Variants in PTPRD observed in about 807,000 individuals in gnomAD.
PTPRD encodes the protein receptor-type tyrosine-protein phosphatase delta.
A neutral mutation model predicts 214.5 loss-of-function variants in PTPRD; 34 were observed. That is an observed-to-expected ratio of 0.16 (90% confidence interval 0.12 to 0.21). PTPRD has a LOEUF of 0.21. PTPRD is among the 10% of genes least tolerant of loss of function. PTPRD has a pLI of 1.00. For missense variants in PTPRD, 2,545 were observed against 2,398.7 expected, an observed-to-expected ratio of 1.06 and a Z score of -1.27; for synonymous variants, 1,128 against 845.7, an observed-to-expected ratio of 1.33 and a Z score of -5.79.
chr9:9,399,117 G>A (rs1478995755), intron 8 of PTPRD, among the ~76,000 whole-genome samples: 3 of 151,872 alleles, frequency 2.0e-5, no homozygotes, highest in Non-Finnish European at 4.4e-5. Context: ...CCACTATTCT[G>A]CTATTTCATT....
intron 11 of PTPRD, among the ~76,000 whole-genome samples, chr9:8,809,643 T>G (rs991457616): frequency 6.6e-6 from 1 of 152,178 alleles, no homozygotes; most frequent in Admixed American, 6.6e-5. Flanking sequence ...CCTGAAAAAT[T>G]CCAGGTGTTA....
At chr9:10,368,966 A>G (rs766075488) in intron 2 of PTPRD, among the ~76,000 whole-genome samples, 7 of 152,078 alleles carry the variant, frequency 4.6e-5, no homozygotes, top group Non-Finnish European at 1.0e-4. Flanking sequence ...ACCCATTTTA[A>G]TGGCTTCAGT....
Position 8,948,533 on chromosome 9 carries a change from ATATATATATT to A in PTPRD, c.-104+70154_-104+70163del, listed in dbSNP as rs1447434104. ...TATATATATATTTATATATATATTT[ATATATATATT>A]TATATATATTTATATATATTTATAT... On this transcript the variant is annotated intron_variant, in intron 11 of 45. Coordinates refer to ENST00000381196, the MANE Select transcript of PTPRD (RefSeq NM_002839.4). Among the ~76,000 whole-genome samples the A allele has an allele frequency of 9.2e-3, 339 of 36,990 alleles. 24 individuals carry two copies. The highest frequency in any genetic ancestry group is 0.017 in the South Asian group (12 of 710). 24.3% of individuals were successfully genotyped at this position (36,990 alleles called of 152,430 possible).
chr9:9,460,729 G>A (rs1187062597), intron 8 of PTPRD, among the ~76,000 whole-genome samples: 1 of 151,990 alleles, frequency 6.6e-6, no homozygotes. Flanking sequence ...GGTGGGAATG[G>A]AAATTAGTTC....
chr9:8,982,323 G>A (rs1405073273), intron 11 of PTPRD, among the ~76,000 whole-genome samples: 1 of 151,720 alleles, frequency 6.6e-6, no homozygotes, highest in Non-Finnish European at 1.5e-5. Context: ...CTTCTTTTAG[G>A]GCATAAACTT....
intron 5 of PTPRD, among the ~76,000 whole-genome samples, chr9:9,809,866 G>C (rs377199787): frequency 6.6e-6 from 1 of 152,070 alleles, no homozygotes; most frequent in Non-Finnish European, 1.5e-5. Context: ...ACATTCAGGA[G>C]GTTGGAAATT....
intron 3 of PTPRD, among the ~76,000 whole-genome samples, chr9:10,308,553 G>C (rs953166198): frequency 3.3e-5 from 5 of 151,996 alleles, no homozygotes; most frequent in Middle Eastern, 3.4e-3. Flanking sequence ...GGGGTCTTTT[G>C]TGGTTTCATA....
chr9:9,208,867 G>T (rs1484857151), intron 9 of PTPRD, among the ~76,000 whole-genome samples: 1 of 151,682 alleles, frequency 6.6e-6, no homozygotes, highest in Non-Finnish European at 1.5e-5. Flanking sequence ...GAGTACAGTG[G>T]CGCGATCCCG....
At chr9:10,526,130 G>T (rs914057316) in intron 2 of PTPRD, among the ~76,000 whole-genome samples, 1 of 151,986 alleles carries the variant, frequency 6.6e-6, no homozygotes. Flanking sequence ...ACTGTTCTAA[G>T]ATATAAAGTC....
chr9:8,677,506 C>A (rs1478967430), intron 12 of PTPRD, among the ~76,000 whole-genome samples: 1 of 152,054 alleles, frequency 6.6e-6, no homozygotes, highest in Non-Finnish European at 1.5e-5. Context: ...AAACAAGAGA[C>A]AACAGGGCCT....
chr9:9,487,079 C>T (rs1589660643), intron 8 of PTPRD, among the ~76,000 whole-genome samples: 2 of 152,110 alleles, frequency 1.3e-5, no homozygotes, highest in East Asian at 3.9e-4. Flanking sequence ...TATTATGATA[C>T]TTTAAGTTTT....
chr9:9,935,056 G>T (rs889438618), intron 5 of PTPRD, among the ~76,000 whole-genome samples: 1 of 152,038 alleles, frequency 6.6e-6, no homozygotes, highest in Admixed American at 6.5e-5. Flanking sequence ...AATAAATTAG[G>T]TATTGATGGG....
At chr9:9,811,578 G>C (rs946885860) in intron 5 of PTPRD, among the ~76,000 whole-genome samples, 1 of 152,004 alleles carries the variant, frequency 6.6e-6, no homozygotes, top group Admixed American at 6.5e-5. Flanking sequence ...GTGGTGGCAG[G>C]CGCCTGTAGT....
chr9:9,853,470 A>G (rs946368667), intron 5 of PTPRD, among the ~76,000 whole-genome samples: 10 of 152,178 alleles, frequency 6.6e-5, no homozygotes, highest in Non-Finnish European at 1.5e-4. Context: ...GCCTAGCTCT[A>G]CAGTGATTCG....
intron 10 of PTPRD, among the ~76,000 whole-genome samples, chr9:9,034,808 T>G (rs751506940): frequency 1.3e-5 from 2 of 152,152 alleles, no homozygotes; most frequent in Admixed American, 6.6e-5. Flanking sequence ...GACTCAGCAA[T>G]GCAGTGCATG....
intron 14 of PTPRD, among the ~76,000 whole-genome samples, chr9:8,554,512 T>C (rs1304041265): frequency 2.0e-5 from 3 of 152,100 alleles, no homozygotes; most frequent in Admixed American, 6.5e-5. Context: ...CAGAGAGGTA[T>C]ATGATCACCC....
chr9:10,589,191 T>C (rs1446564276), intron 2 of PTPRD, among the ~76,000 whole-genome samples: 1 of 151,990 alleles, frequency 6.6e-6, no homozygotes, highest in Non-Finnish European at 1.5e-5. Context: ...TATAAAAGGA[T>C]TTCAGAAATG....
intron 3 of PTPRD, among the ~76,000 whole-genome samples, chr9:10,302,919 C>T (rs2095910808): frequency 6.6e-6 from 1 of 152,160 alleles, no homozygotes; most frequent in African/African-American, 2.4e-5. Context: ...ACCTAATAGA[C>T]ATCAATAGAA....
At chr9:9,629,390 T>C (rs2095520852) in intron 7 of PTPRD, among the ~76,000 whole-genome samples, 1 of 151,948 alleles carries the variant, frequency 6.6e-6, no homozygotes, top group Admixed American at 6.6e-5. Context: ...TTCAGGACTG[T>C]TTTCTTCATT....
Sources: gnomAD v4.1 joint callset for allele counts (sites outside exome capture counted in the v4.1 genomes callset) on GRCh38, gnomAD v4.1.1 for gene constraint, MANE v1.5 for transcripts, NCBI Gene and HGNC (gene_info 2026-07-23, HGNC 2026-07-21) for gene names.